Variants in ZNF595 observed in about 807,000 individuals in gnomAD.
The protein encoded by ZNF595 is zinc finger protein 595.
A neutral mutation model predicts 19.4 loss-of-function variants in ZNF595; 9 were observed. The observed-to-expected ratio is 0.46, with a 90% CI of 0.28 to 0.81. The LOEUF (loss-of-function observed/expected upper bound fraction) is 0.81. Among genes scored for constraint, ZNF595 ranks in the 30% least tolerant of loss-of-function variants. The probability of loss-of-function intolerance (pLI) is 0.11; values close to 1 mark genes in which losing one functional copy is unlikely to be tolerated. For missense variants in ZNF595, 729 were observed against 736.0 expected (o/e 0.99, Z 0.11); for synonymous variants, 255 against 255.9 (o/e 1.00, Z 0.03).
intron 3 of ZNF595, chr4:60,478 G>C (rs61792209): frequency 1.1e-5 from 5 of 444,666 alleles, no homozygotes; most frequent in South Asian, 8.7e-5. Flanking sequence ...GGACCTCTAT[G>C]TTAAAGTATT....
At chr4:70,274 A>G (rs1713373724) in intron 3 of ZNF595, among the ~76,000 whole-genome samples, 1 of 151,926 alleles carries the variant, frequency 6.6e-6, no homozygotes, top group Non-Finnish European at 1.5e-5. Flanking sequence ...GGCCAGAGAT[A>G]GGGGTCTAGT....
intron 3 of ZNF595, among the ~76,000 whole-genome samples, chr4:77,471 C>G (rs962061419): frequency 6.6e-6 from 1 of 152,044 alleles, no homozygotes; most frequent in African/African-American, 2.4e-5. Context: ...TTTGCCTGAT[C>G]CTTTATTATC....
In ZNF595 at chr4:86,108, T is replaced by G; in HGVS notation, c.604T>G (p.Cys202Gly). 6.2e-7 allele frequency: 1 copy of G among 1,613,586 alleles called. No individual in the cohort carries two copies. The change falls in exon 4 of 4, where the codon TGT becomes GGT. Residue 202 changes from cysteine (C) to glycine (G), a missense_variant. Physicochemically the swap from Cys to Gly is radical, Grantham distance 159. Transcript: ENST00000610261. ...GIHAGEKPYK[C>G]EKCGKAFNRS... The stretch of plus-strand genomic sequence containing the variant: ...TCATGCTGGAGAGAAACCCTACAAA[T>G]GTGAAAAATGTGGCAAAGCCTTTAA...
chr4:77,257 A>C (rs1317285078), intron 3 of ZNF595, among the ~76,000 whole-genome samples: 1 of 151,444 alleles, frequency 6.6e-6, no homozygotes, highest in Non-Finnish European at 1.5e-5. Context: ...TGCGTTCTTC[A>C]GCTCCAGCAT....
intron 3 of ZNF595, among the ~76,000 whole-genome samples, chr4:70,130 G>C (rs1553797672): frequency 6.6e-6 from 1 of 152,078 alleles, no homozygotes; most frequent in Non-Finnish European, 1.5e-5. Flanking sequence ...AATTGACATT[G>C]TGGACTTTCC....
intron 3 of ZNF595, among the ~76,000 whole-genome samples, chr4:65,257 G>A (rs1581329771): frequency 6.8e-6 from 1 of 147,584 alleles, no homozygotes; most frequent in Admixed American, 6.8e-5. Context: ...TTGATCTTTG[G>A]CACCACTGAG....
chr4:84,303 A>G (rs1553800671), intron 3 of ZNF595, among the ~76,000 whole-genome samples: 4 of 152,162 alleles, frequency 2.6e-5, no homozygotes, highest in African/African-American at 7.2e-5. Flanking sequence ...CCAAAAAGTT[A>G]CTTATTTTCA....
In ZNF595 at chr4:85,866, A is replaced by G. The variant is rs376840200; in HGVS notation, c.362A>G (p.Asn121Ser). 2.2e-5 allele frequency: 35 copies of G among 1,614,002 alleles called. No individual in the cohort carries two copies. The highest frequency in any genetic ancestry group is 1.1e-5 in the Non-Finnish European group (13 of 1,179,988). Residue 121 changes from asparagine to serine, a missense_variant, in exon 4 of 4, where the codon AAT becomes AGT. Physicochemically the swap from Asn to Ser is conservative, Grantham distance 46. This residue lies in a region of ZNF595 where 729 missense variants were observed against 675.3 expected (regional missense o/e 1.08). Coordinates refer to ENST00000610261, the MANE Select transcript of ZNF595 (RefSeq NM_182524.4). ...TTAAGAAAAGGCTGTAAACGTGTGA[A>G]TGAGTGTAAGGTGCAGAAAGGAGTT... The part of the protein sequence containing the change: ...LQLRKGCKRV[N>S]ECKVQKGVNN...
intron 3 of ZNF595, chr4:68,542 C>A (rs1713292467): frequency 6.6e-6 from 1 of 152,258 alleles, no homozygotes; most frequent in African/African-American, 2.4e-5. Flanking sequence ...GTGTTAAGTT[C>A]ATATATCTAT....
At chr4:85,259 A>G (rs1350433867) in intron 3 of ZNF595, among the ~76,000 whole-genome samples, 1 of 152,236 alleles carries the variant, frequency 6.6e-6, no homozygotes, top group African/African-American at 2.4e-5. Context: ...TAGCAGACCC[A>G]AGCTGTTCTT....
intron 3 of ZNF595, among the ~76,000 whole-genome samples, chr4:80,615 G>C (rs1713864883): frequency 6.6e-6 from 1 of 152,144 alleles, no homozygotes; most frequent in Admixed American, 6.6e-5. Flanking sequence ...ATTTGGGTAG[G>C]TAATGGAAAA....
intron 3 of ZNF595, among the ~76,000 whole-genome samples, chr4:82,372 G>GGT (rs1713947784): frequency 1.2e-5 from 1 of 85,922 alleles, no homozygotes; most frequent in Non-Finnish European, 2.3e-5. Flanking sequence ...TTGGTTTGTG[G>GGT]TTTTTTTTTT....
intron 3 of ZNF595, among the ~76,000 whole-genome samples, chr4:72,601 C>T (rs564840672): frequency 6.6e-6 from 1 of 152,272 alleles, no homozygotes; most frequent in East Asian, 1.9e-4. Context: ...TGGAAGTGCT[C>T]ATAAATGATT....
chr4:82,217 T>C (rs990783422), intron 3 of ZNF595, among the ~76,000 whole-genome samples: 1 of 152,136 alleles, frequency 6.6e-6, no homozygotes, highest in Non-Finnish European at 1.5e-5. Context: ...TATTTCTATT[T>C]CTGCAAAAAT....
chr4:64,607 G>T (rs1167251895), intron 3 of ZNF595, among the ~76,000 whole-genome samples: 2 of 152,302 alleles, frequency 1.3e-5, no homozygotes, highest in Non-Finnish European at 2.9e-5. Flanking sequence ...TGTTTAAATG[G>T]CATATAGCAG....
At chr4:77,663 G>T (rs1313763725) in intron 3 of ZNF595, among the ~76,000 whole-genome samples, 1 of 152,128 alleles carries the variant, frequency 6.6e-6, no homozygotes, top group Non-Finnish European at 1.5e-5. Flanking sequence ...CTGCAGTGAA[G>T]TTCATGTTTG....
chr4:66,336 T>TGG (rs1713105589), intron 3 of ZNF595, among the ~76,000 whole-genome samples: 4 of 140,526 alleles, frequency 2.8e-5, no homozygotes, highest in Non-Finnish European at 4.5e-5. Context: ...ACTTTTTGTT[T>TGG]TTTTTTTTGG....
chr4:77,896 C>G (rs868935063), intron 3 of ZNF595, among the ~76,000 whole-genome samples: 1 of 152,162 alleles, frequency 6.6e-6, no homozygotes, highest in African/African-American at 2.4e-5. Context: ...ATTGGACAGG[C>G]TCCTAGATGA....
In ZNF595 at chr4:87,617, T is replaced by TA. The variant is rs1214758453; in HGVS notation, c.*167dup. 1.9e-6 allele frequency: 1 copy of TA among 538,898 alleles called. No homozygotes were observed. Among genetic ancestry groups the TA allele is most frequent in the East Asian group, 3.1e-5 (1 of 31,850 alleles). The allele number at this position is 538,898 out of a possible 1,614,324, so 33.4% of individuals were successfully genotyped here. On this transcript the variant is annotated 3_prime_UTR_variant, in exon 4 of 4. Coordinates refer to ENST00000610261, the MANE Select transcript of ZNF595 (RefSeq NM_182524.4). ...TCATGGCTTATTTGGATTATTTTGA[T>TA]ACAGGCATATGACATGTAATTATCA...
Sources: gnomAD v4.1 joint callset for allele counts (sites outside exome capture counted in the v4.1 genomes callset) on GRCh38, gnomAD v4.1.1 for gene constraint, gnomAD v4.1.1 regional missense constraint, MANE v1.5 for transcripts, NCBI Gene and HGNC (gene_info 2026-07-23, HGNC 2026-07-21) for gene names.